CLASP1: variants seen among roughly 807,000 people sequenced by gnomAD.
The protein encoded by CLASP1 is cytoplasmic linker associated protein 1, also known as CLIP-associating protein 1.
Under a neutral mutation model 192.3 loss-of-function variants are expected in CLASP1, and 38 were observed. That is an observed-to-expected ratio of 0.20 (90% CI 0.15 to 0.26). The LOEUF is 0.26. Ranked by LOEUF, CLASP1 falls within the 10% of genes least tolerant of loss-of-function variation. The pLI, the probability that CLASP1 is intolerant of heterozygous loss-of-function variation, is 1.00. For missense variants in CLASP1, 1,433 were observed against 1,932.5 expected (o/e 0.74, Z 4.85); for synonymous variants, 691 against 712.8 (o/e 0.97, Z 0.49).
chr2:121,393,804 C>T (rs1332885948), intron 30 of CLASP1, among the ~76,000 whole-genome samples: 1 of 151,260 alleles, frequency 6.6e-6, no homozygotes, highest in African/African-American at 2.4e-5. Flanking sequence ...AAAAGTAATG[C>T]TTTACTAGTT....
chr2:121,616,718 C>G (rs559415294), intron 1 of CLASP1, among the ~76,000 whole-genome samples: 1 of 152,300 alleles, frequency 6.6e-6, no homozygotes, highest in Non-Finnish European at 1.5e-5. Context: ...GCCCTGCCAG[C>G]AGGAAGTCTG....
At chr2:121,478,830 C>CCACA (rs2092149829) in intron 8 of CLASP1, among the ~76,000 whole-genome samples, 9 of 59,810 alleles carry the variant, frequency 1.5e-4, no homozygotes, top group African/African-American at 1.5e-4. Context: ...CAACCACACA[C>CCACA]CACACACCAC....
rs553096682 is a variant in CLASP1 at position 121,530,922 on chromosome 2, A to C, written c.196-597T>G. Reference sequence around the variant, plus strand: ...GGTTGCGCTACTGTCCAATGAGCGCATAGTGAGGGCAGTACTGCTAACGCC... The same window carrying C: ...GGTTGCGCTACTGTCCAATGAGCGCCTAGTGAGGGCAGTACTGCTAACGCC... On this transcript the variant is annotated intron_variant, in intron 2 of 39. Transcript: ENST00000263710. 5.4e-5 allele frequency: 38 copies of C among 699,832 alleles called. No homozygotes were observed. The highest frequency in any genetic ancestry group is 1.2e-4 in the Admixed American group (6 of 49,988). 43.4% of individuals were successfully genotyped at this position (699,832 alleles called of 1,614,324 possible). A position where few individuals can be genotyped will look rare whatever the true frequency, so the allele number is the denominator to read the frequency against.
intron 22 of CLASP1, among the ~76,000 whole-genome samples, chr2:121,421,182 G>A (rs962215488): frequency 3.3e-5 from 5 of 152,112 alleles, no homozygotes; most frequent in African/African-American, 1.2e-4. Flanking sequence ...AAATACAAGA[G>A]AAATACAAAC....
intron 2 of CLASP1, among the ~76,000 whole-genome samples, chr2:121,590,808 A>C (rs2062300608): frequency 6.6e-6 from 1 of 152,188 alleles, no homozygotes; most frequent in South Asian, 2.1e-4. Context: ...CAAAGTAAGA[A>C]GTCAAAGACA....
At chr2:121,350,822 C>T (rs564250043) in intron 37 of CLASP1, among the ~76,000 whole-genome samples, 70 of 152,346 alleles carry the variant, frequency 4.6e-4, no homozygotes, top group East Asian at 7.7e-4. Context: ...CAAGGGTTAA[C>T]GCTCTTTCTC....
At chr2:121,457,596 A>G in intron 14 of CLASP1, 91 bp downstream of exon 14, 1 of 935,532 alleles carries the variant, frequency 1.1e-6, no homozygotes, top group Non-Finnish European at 1.7e-6. Context: ...TAAGCATGTT[A>G]TACATGAAAT....
chr2:121,454,153 C>T (rs1401311820), intron 14 of CLASP1, among the ~76,000 whole-genome samples: 1 of 149,078 alleles, frequency 6.7e-6, no homozygotes, highest in Non-Finnish European at 1.5e-5. Context: ...TCCCTGCCCA[C>T]CCCCCCCTCC....
Position 121,398,420 on chromosome 2 carries a change from G to T in CLASP1, c.2901-20C>A. 1 of 1,518,010 alleles carries T rather than the reference G, an allele frequency of 6.6e-7. No homozygotes were observed. The highest frequency in any genetic ancestry group is 9.0e-7 in the Non-Finnish European group (1 of 1,116,622). The allele number at this position is 1,518,010 out of a possible 1,614,324, so 94.0% of individuals were successfully genotyped here. A position where few individuals can be genotyped will look rare whatever the true frequency, so the allele number is the denominator to read the frequency against. ...GAGTCCCTAGGTTGGTGGGAAAAAA[G>T]TGCTTATTTTTAAAGAAATTTATTA... On this transcript the variant is annotated intron_variant, in intron 28 of 39. Transcript: ENST00000263710.
intron 31 of CLASP1, 51 bp downstream of exon 32, chr2:121,387,712 C>T (rs1266712635): frequency 9.4e-6 from 15 of 1,587,590 alleles, no homozygotes; most frequent in East Asian, 6.7e-5. Context: ...ATAAGGGCTA[C>T]GCAGAGGTCA....
intron 22 of CLASP1, among the ~76,000 whole-genome samples, chr2:121,424,495 TTTATATTTAAAAAG>T: frequency 6.6e-6 from 1 of 152,348 alleles, no homozygotes; most frequent in African/African-American, 2.4e-5. Context: ...ACTTCTAAAT[TTTATATTTAAAAAG>T]TTAGCGTATG....
intron 1 of CLASP1, among the ~76,000 whole-genome samples, chr2:121,643,180 C>A (rs1053812461): frequency 3.3e-5 from 5 of 152,190 alleles, no homozygotes; most frequent in Non-Finnish European, 7.4e-5. Flanking sequence ...TTAACAGATA[C>A]ACAAAAATAT....
intron 15 of CLASP1, among the ~76,000 whole-genome samples, chr2:121,451,204 C>T (rs1388686635): frequency 2.6e-5 from 4 of 152,232 alleles, no homozygotes; most frequent in Admixed American, 6.5e-5. Flanking sequence ...GCCACTCCAA[C>T]CTACCCACGC....
chr2:121,597,568 A>C (rs1260447124), intron 2 of CLASP1, among the ~76,000 whole-genome samples: 1 of 152,218 alleles, frequency 6.6e-6, no homozygotes, highest in Non-Finnish European at 1.5e-5. Flanking sequence ...AACATAGCCT[A>C]GCCAGGTACA....
chr2:121,408,318 CTG>C (rs2077205567), intron 24 of CLASP1, among the ~76,000 whole-genome samples: 1 of 152,180 alleles, frequency 6.6e-6, no homozygotes, highest in Non-Finnish European at 1.5e-5. Flanking sequence ...TCATCTCCCT[CTG>C]TTGCCCAGGC....
intron 2 of CLASP1, among the ~76,000 whole-genome samples, chr2:121,587,231 ACT>A (rs1381787283): frequency 2.0e-5 from 3 of 151,854 alleles, no homozygotes; most frequent in Non-Finnish European, 4.4e-5. Context: ...ACGCGGCGAG[ACT>A]CTGTTTCAAA....
intron 14 of CLASP1, among the ~76,000 whole-genome samples, chr2:121,456,382 G>A (rs2149836352): frequency 6.6e-6 from 1 of 151,660 alleles, no homozygotes; most frequent in South Asian, 2.1e-4. Flanking sequence ...GTGGGCCATG[G>A]TGGTGTGTGC....
At chr2:121,370,172 A>G (rs1390533947) in intron 34 of CLASP1, among the ~76,000 whole-genome samples, 1 of 152,016 alleles carries the variant, frequency 6.6e-6, no homozygotes, top group Non-Finnish European at 1.5e-5. Flanking sequence ...TTGTCTCCCT[A>G]TATTGGGTTT....
chr2:121,367,392 T>C (rs2067622250), intron 35 of CLASP1, among the ~76,000 whole-genome samples, 196 bp downstream of exon 36: 1 of 152,216 alleles, frequency 6.6e-6, no homozygotes, highest in African/African-American at 2.4e-5. Context: ...CTTGTGCTTC[T>C]GTTCACTGCC....
Sources: allele counts gnomAD v4.1 joint callset (sites outside exome capture counted in the v4.1 genomes callset), GRCh38; gene constraint gnomAD v4.1.1; transcripts MANE v1.5; gene names NCBI Gene and HGNC (gene_info 2026-07-23, HGNC 2026-07-21).